The following SPIRE1 variants were observed in gnomAD, a reference collection of about 807,000 sequenced individuals.
The protein encoded by SPIRE1 is protein spire homolog 1.
In SPIRE1, 40 loss-of-function variants were observed where a neutral mutation model predicts 94.1. The ratio of observed to expected loss-of-function variants is 0.43; its 90% CI spans 0.33 to 0.55. SPIRE1 has a LOEUF of 0.55. Among genes scored for constraint, SPIRE1 ranks in the 20% least tolerant of loss-of-function variants. The pLI, the probability that SPIRE1 is intolerant of heterozygous loss-of-function variation, is 0.06. For missense variants in SPIRE1, 838 were observed against 975.2 expected (o/e 0.86, Z 1.87); for synonymous variants, 376 against 371.7 (o/e 1.01, Z -0.13).
intron 7 of SPIRE1, 69 bp from the exon 8 acceptor site, chr18:12,493,270 G>A: frequency 2.9e-6 from 4 of 1,374,186 alleles, no homozygotes; most frequent in Non-Finnish European, 4.0e-6. Flanking sequence ...TAGTCATACA[G>A]TACAGTATTA....
intron 2 of SPIRE1, among the ~76,000 whole-genome samples, chr18:12,568,745 C>T (rs545471794): frequency 1.3e-5 from 2 of 152,280 alleles, no homozygotes; most frequent in South Asian, 4.1e-4. Context: ...ACAGTAAGGA[C>T]TCAAAAGTTA....
At chr18:12,609,292 G>T (rs2037073363) in intron 2 of SPIRE1, among the ~76,000 whole-genome samples, 1 of 152,100 alleles carries the variant, frequency 6.6e-6, no homozygotes, top group South Asian at 2.1e-4. Context: ...TAAAGTGTGT[G>T]GTATGCTAGA....
In SPIRE1 at chr18:12,582,522, T is replaced by C. The variant is rs76628515; in HGVS notation, c.373-35618A>G. Among the ~76,000 whole-genome samples the C allele has an allele frequency of 8.7e-3, 1,319 of 152,294 alleles. 26 individuals are homozygous for C. The highest frequency in any genetic ancestry group is 0.031 in the African/African-American group (1,272 of 41,548). ...TACTGTATAATTATACAGTTAATAA[T>C]TGCTCCACAATTATTAACTAAAGCA... is the stretch of plus-strand genomic sequence containing the variant. On this transcript the variant is annotated intron_variant, in intron 2 of 16. Transcript: ENST00000409402.
At chr18:12,626,886 A>ATATATATATATATATATATTTT (rs55915333) in intron 2 of SPIRE1, among the ~76,000 whole-genome samples, 5 of 111,894 alleles carry the variant, frequency 4.5e-5, no homozygotes, top group Non-Finnish European at 7.4e-5. Flanking sequence ...ATATATATAT[A>ATATATATATATATATATATTTT]TTTTTTTTTT....
intron 12 of SPIRE1, among the ~76,000 whole-genome samples, chr18:12,456,347 CTAAG>C (rs1389721019): frequency 1.3e-5 from 2 of 152,144 alleles, no homozygotes; most frequent in African/African-American, 4.8e-5. Context: ...AAACTGTGCA[CTAAG>C]TAAGTAGTGT....
intron 2 of SPIRE1, among the ~76,000 whole-genome samples, chr18:12,621,308 T>C (rs931690020): frequency 6.6e-6 from 1 of 152,206 alleles, no homozygotes; most frequent in Non-Finnish European, 1.5e-5. Context: ...GAGAAACAGT[T>C]TGGAAGCTCT....
chr18:12,563,582 C>T (rs566949966), intron 2 of SPIRE1, among the ~76,000 whole-genome samples: 1 of 152,260 alleles, frequency 6.6e-6, no homozygotes, highest in South Asian at 2.1e-4. Context: ...AATGTAAAAA[C>T]TTCATCTATA....
intron 4 of SPIRE1, among the ~76,000 whole-genome samples, chr18:12,535,097 T>C (rs112820793): frequency 5.3e-5 from 8 of 152,324 alleles, no homozygotes; most frequent in African/African-American, 1.9e-4. Context: ...ACCTCTTTTC[T>C]GAGCCTTTAT....
rs2037102016 is a variant in SPIRE1, at chr18:12,610,261, C to G, written c.372+24801G>C. 2.0e-5 allele frequency among the ~76,000 whole-genome samples: 3 copies of G among 152,226 alleles called. No individual in the cohort carries two copies. In the South Asian group the frequency reaches 6.2e-4, roughly 32 times the overall value. ...GACCCTTCCAATATTGTGGCCTCTC[C>G]TGTCTGTGAGCTCCTCTACCTAATG... On this transcript the variant is annotated intron_variant, in intron 2 of 16. Transcript: ENST00000409402.
intron 4 of SPIRE1, among the ~76,000 whole-genome samples, chr18:12,525,296 A>AAAAT (rs1555619713): frequency 2.1e-4 from 25 of 120,164 alleles, no homozygotes; most frequent in African/African-American, 8.0e-4. Flanking sequence ...AAAAAAAAAA[A>AAAAT]AATAATAATA....
chr18:12,521,377 G>C (rs1043857010), intron 4 of SPIRE1, among the ~76,000 whole-genome samples: 1 of 151,578 alleles, frequency 6.6e-6, no homozygotes, highest in African/African-American at 2.4e-5. Flanking sequence ...CTGTCGCCTG[G>C]GTGGGGTGCA....
At chr18:12,453,327 A>G (rs1468452344) in intron 13 of SPIRE1, among the ~76,000 whole-genome samples, 189 bp from the exon 14 acceptor site, 3 of 152,226 alleles carry the variant, frequency 2.0e-5, no homozygotes, top group South Asian at 2.1e-4. Context: ...ATTTAATTAT[A>G]ATTCTATTTT....
intron 4 of SPIRE1, among the ~76,000 whole-genome samples, chr18:12,527,349 C>T (rs2034552232): frequency 6.6e-6 from 1 of 152,124 alleles, no homozygotes; most frequent in Admixed American, 6.5e-5. Flanking sequence ...TCTATCTACA[C>T]GAGTGAGGCA....
intron 3 of SPIRE1, among the ~76,000 whole-genome samples, chr18:12,542,427 T>C (rs1366615080): frequency 1.3e-5 from 2 of 152,208 alleles, no homozygotes; most frequent in African/African-American, 2.4e-5. Context: ...AGTATAAATT[T>C]AGACCATTTA....
rs1169992110 is a variant in SPIRE1 at position 12,559,495 on chromosome 18, G to A, written c.373-12591C>T. Among the ~76,000 whole-genome samples the A allele has an allele frequency of 1.3e-5, 2 of 152,200 alleles. No individual in the cohort carries two copies. Among genetic ancestry groups the A allele is most frequent in the South Asian group, 2.1e-4 (1 of 4,830 alleles). On this transcript the variant is annotated intron_variant, in intron 2 of 16. Transcript: ENST00000409402. The surrounding 1 kb of genome is among the most constrained non-coding windows in gnomAD (Gnocchi z 4.7). ...CTCCACACCTCCCTGCAAGCAGAGG[G>A]AGCCGGCTCCGGCTTTGGCCAGCCC...
intron 6 of SPIRE1, among the ~76,000 whole-genome samples, chr18:12,504,817 T>A (rs2033777202): frequency 6.6e-6 from 1 of 152,106 alleles, no homozygotes; most frequent in Admixed American, 6.5e-5. Context: ...TGGGAAAACT[T>A]GAGCACAGGC....
chr18:12,452,569 T>A, intron 14 of SPIRE1, 57 bp from the exon 15 acceptor site: 2 of 1,562,132 alleles, frequency 1.3e-6, no homozygotes, highest in Non-Finnish European at 1.8e-6. Flanking sequence ...CAACTGGGAG[T>A]TAGAGAAGCC....
intron 3 of SPIRE1, among the ~76,000 whole-genome samples, chr18:12,539,587 G>GTA: frequency 7.2e-6 from 1 of 139,102 alleles, no homozygotes; most frequent in Non-Finnish European, 1.6e-5. Flanking sequence ...ACACACACAC[G>GTA]CACACACACA....
At chr18:12,470,970 C>T (rs192402845) in intron 10 of SPIRE1, among the ~76,000 whole-genome samples, 8 of 151,872 alleles carry the variant, frequency 5.3e-5, no homozygotes, top group Non-Finnish European at 1.2e-4. Context: ...AGTCTGGGCA[C>T]GTAACTCACT....
Sources: gnomAD v4.1 joint callset for allele counts (sites outside exome capture counted in the v4.1 genomes callset) on GRCh38, gnomAD v4.1.1 for gene constraint, Gnocchi (gnomAD v3.1) non-coding constraint, MANE v1.5 for transcripts, NCBI Gene and HGNC (gene_info 2026-07-23, HGNC 2026-07-21) for gene names.